INTS3: variants seen among roughly 807,000 people sequenced by gnomAD.
INTS3 encodes the protein SOSS complex subunit A.
INTS3 carries 34 observed loss-of-function variants against 146.3 expected under a neutral mutation model. The observed-to-expected ratio is 0.23, with a 90% confidence interval of 0.18 to 0.31. The LOEUF is 0.31. INTS3 is among the 10% of genes least tolerant of loss of function. The pLI is 1.00. For synonymous variants in INTS3, 475 were observed against 494.9 expected (o/e 0.96, Z 0.53); for missense variants, 757 against 1,304.2 (o/e 0.58, Z 6.46).
chr1:153,740,917 G>A (rs1228968508), intron 2 of INTS3, among the ~76,000 whole-genome samples, 183 bp downstream of exon 2: 1 of 152,052 alleles, frequency 6.6e-6, no homozygotes, highest in Non-Finnish European at 1.5e-5. Flanking sequence ...GGAGCCTTGG[G>A]CATCTTTCAG....
chr1:153,741,162 T>G, intron 2 of INTS3, 123 bp from the exon 3 acceptor site: 1 of 760,278 alleles, frequency 1.3e-6, no homozygotes, highest in Non-Finnish European at 2.3e-6. Flanking sequence ...ATCATCAGAT[T>G]TAAAAGTTGA....
rs1404169532 is a variant in INTS3, at chr1:153,771,312, C to G, written c.2553-484C>G. On this transcript the variant is annotated intron_variant, in intron 25 of 29. Transcript: ENST00000318967. ...CTGCCTTCCTTCCACCCTTTCTGCT[C>G]TCTTGCCTGAGAGACTATAAATGGT... Among the ~76,000 whole-genome samples the G allele has an allele frequency of 3.3e-5, 5 of 152,340 alleles. No individual in the cohort carries two copies. The South Asian group carries it at 8.3e-4, about 25-fold the overall frequency.
At chr1:153,768,804 C>T in intron 21 of INTS3, 89 bp from the exon 22 acceptor site, 4 of 1,023,318 alleles carry the variant, frequency 3.9e-6, no homozygotes, top group Non-Finnish European at 4.6e-6. Context: ...CCCAGTCAAA[C>T]CTTGAGATGT....
intron 1 of INTS3, among the ~76,000 whole-genome samples, chr1:153,735,706 G>A (rs545349801): frequency 6.6e-6 from 1 of 152,064 alleles, no homozygotes; most frequent in Non-Finnish European, 1.5e-5. Flanking sequence ...TCCCCAGTCC[G>A]TGATAATTGT....
intron 8 of INTS3, among the ~76,000 whole-genome samples, chr1:153,753,525 C>T (rs1175593048): frequency 6.6e-6 from 1 of 151,228 alleles, no homozygotes; most frequent in Non-Finnish European, 1.5e-5. Context: ...CCACTGCACT[C>T]CAGCCTGGCG....
chr1:153,754,342 T>C lies in INTS3; in HGVS notation c.860-300T>C, dbSNP rs143219001. 2.3e-4 allele frequency among the ~76,000 whole-genome samples: 35 copies of C among 152,258 alleles called. No individual in the cohort carries two copies. The East Asian group carries it at 3.1e-3, about 13-fold the overall frequency. ...GGAAGAGCAGCCAGGGTTTCCCATA[T>C]TTTTCCCTTAACTTTCCCATCTGTT... On this transcript the variant is annotated intron_variant, in intron 8 of 29. Coordinates refer to ENST00000318967, the MANE Select transcript of INTS3 (RefSeq NM_023015.5).
rs140852935 is a variant in INTS3, at chr1:153,747,061, C to T, written c.423C>T (p.Cys141=). Reference sequence around the variant, plus strand: ...AGTACCTGAAGCTGCAGGATACCTGCCGTACTCAGGTAAGGCCAGAAAGAA... The same window carrying T: ...AGTACCTGAAGCTGCAGGATACCTGTCGTACTCAGGTAAGGCCAGAAAGAA... ...MEKYLKLQDT[C]RTQLVWLVRE... is the part of the protein sequence containing the mutation. Residue 141 remains cysteine (C), a synonymous_variant, in exon 4 of 30, where the codon TGC becomes TGT. Coordinates refer to ENST00000318967, the MANE Select transcript of INTS3 (RefSeq NM_023015.5). 2.3e-3 allele frequency: 3,671 copies of T among 1,601,936 alleles called. 5 individuals are homozygous for T. The highest frequency in any genetic ancestry group is 2.4e-3 in the Non-Finnish European group (2,832 of 1,168,946).
At position 153,740,887 on chromosome 1, in the gene INTS3, A is replaced by T. The variant is rs527861978; in HGVS notation, c.234+153A>T. Among the ~76,000 whole-genome samples the T allele has an allele frequency of 3.3e-5, 5 of 152,306 alleles. No individual in the cohort carries two copies. The East Asian group carries it at 9.6e-4, about 29-fold the overall frequency. Reference sequence around the variant, plus strand: ...TCAAATTTCTCAATTCTTCTCTTTTACTGTGGGAGCCTATCTCTTGGAGCC... The same window carrying T: ...TCAAATTTCTCAATTCTTCTCTTTTTCTGTGGGAGCCTATCTCTTGGAGCC... On this transcript the variant is annotated intron_variant, in intron 2 of 29. Transcript: ENST00000318967.
intron 5 of INTS3, chr1:153,747,923 T>C (rs1671809950): frequency 6.2e-6 from 1 of 160,740 alleles, no homozygotes. Flanking sequence ...CAAGATTGCA[T>C]GTGTTTGTTT....
At chr1:153,742,409 G>C (rs531119173) in intron 3 of INTS3, among the ~76,000 whole-genome samples, 6 of 152,048 alleles carry the variant, frequency 3.9e-5, no homozygotes, top group Non-Finnish European at 5.9e-5. Context: ...TAAAGAAATT[G>C]TTGGCAAAGA....
chr1:153,772,501 G>T lies in INTS3; in HGVS notation c.2821+61G>T. On this transcript the variant is annotated intron_variant, in intron 27 of 29. Coordinates refer to ENST00000318967, the MANE Select transcript of INTS3 (RefSeq NM_023015.5). This position sits in a 1 kb window ranked among gnomAD's most constrained non-coding sequence, Gnocchi z 4.6. The stretch of plus-strand genomic sequence containing the variant: ...TGCTGCCCTGGCCCAGACTATGCCT[G>T]GAGCCAGGCTGGGGGCAGGGGCAGG... 1 of 1,613,632 alleles carries T rather than the reference G, an allele frequency of 6.2e-7. No homozygotes were observed. The highest frequency in any genetic ancestry group is 8.5e-7 in the Non-Finnish European group (1 of 1,179,724).
chr1:153,728,539 C>A lies in INTS3; in HGVS notation c.-96C>A. Reference sequence around the variant, plus strand: ...TTGCTCTCCCCTCCCCAACTTGTTCCTCTTGCCCCCCAGTCCCTGGCAATC... The same window carrying A: ...TTGCTCTCCCCTCCCCAACTTGTTCATCTTGCCCCCCAGTCCCTGGCAATC... On this transcript the variant is annotated 5_prime_UTR_variant, in exon 1 of 30. Transcript: ENST00000318967. The A allele has an allele frequency of 6.9e-7, 1 of 1,446,680 alleles. No individual in the cohort carries two copies. Among genetic ancestry groups the A allele is most frequent in the Non-Finnish European group, 9.2e-7 (1 of 1,084,502 alleles). The allele number at this position is 1,446,680 out of a possible 1,614,324, so 89.6% of individuals were successfully genotyped here.
At chr1:153,733,084 A>T (rs561039192) in intron 1 of INTS3, among the ~76,000 whole-genome samples, 1 of 146,616 alleles carries the variant, frequency 6.8e-6, no homozygotes, top group East Asian at 2.0e-4. Flanking sequence ...CTCATGATCC[A>T]CCTACCTCGG....
intron 3 of INTS3, among the ~76,000 whole-genome samples, chr1:153,744,856 C>G (rs1029619511): frequency 6.6e-6 from 1 of 152,044 alleles, no homozygotes; most frequent in African/African-American, 2.4e-5. Context: ...ACCGCTATTC[C>G]CAGCAGCCTC....
chr1:153,753,465 G>A (rs1159388952), intron 8 of INTS3, among the ~76,000 whole-genome samples: 4 of 151,698 alleles, frequency 2.6e-5, no homozygotes, highest in Admixed American at 2.6e-4. Context: ...GCTGAGGCAA[G>A]AGAATCGCTT....
In INTS3 at chr1:153,770,242, C is replaced by A. The variant is rs868288161; in HGVS notation, c.2434C>A (p.Gln812Lys). The change falls in exon 24 of 30, where the codon CAG (glutamine) becomes AAG (lysine). Residue 812 changes from glutamine (Q) to lysine (K), a missense_variant. Transcript: ENST00000318967. Reference sequence around the variant, plus strand: ...GACCTTTGAGCAGTATTGTGCCTGGCAGCTCTTTCTGGCCCACAATATTCC... The same window carrying A: ...GACCTTTGAGCAGTATTGTGCCTGGAAGCTCTTTCTGGCCCACAATATTCC... ...WETFEQYCAW[Q>K]LFLAHNIPLE... The A allele has an allele frequency of 6.2e-7, 1 of 1,613,552 alleles. No individual in the cohort carries two copies. The highest frequency in any genetic ancestry group is 8.5e-7 in the Non-Finnish European group (1 of 1,179,622).
intron 8 of INTS3, among the ~76,000 whole-genome samples, chr1:153,754,333 T>A (rs1017776911): frequency 6.6e-6 from 1 of 152,062 alleles, no homozygotes; most frequent in Non-Finnish European, 1.5e-5. Flanking sequence ...GCAGCCAGGG[T>A]TTCCCATATT....
rs1036290825 is a variant in INTS3 at position 153,752,311 on chromosome 1, C to T, written c.762C>T (p.Leu254=). The T allele has an allele frequency of 7.4e-6, 12 of 1,613,444 alleles. No individual in the cohort carries two copies. Among genetic ancestry groups the T allele is most frequent in the Non-Finnish European group, 1.0e-5 (12 of 1,179,482 alleles). Residue 254 remains leucine (L), a synonymous_variant, in exon 8 of 30, where the codon CTC becomes CTT. Coordinates refer to ENST00000318967, the MANE Select transcript of INTS3 (RefSeq NM_023015.5). Reference sequence around the variant, plus strand: ...AATGTCTGATGATTGGTCGGGATCTCGTAAGACTACTTCAGAATGTTGCTA... The same window carrying T: ...AATGTCTGATGATTGGTCGGGATCTTGTAAGACTACTTCAGAATGTTGCTA... ...FMECLMIGRD[L]VRLLQNVARI...
At chr1:153,760,740 A>G in intron 12 of INTS3, 87 bp from the exon 13 acceptor site, 2 of 1,134,374 alleles carry the variant, frequency 1.8e-6, no homozygotes, top group Admixed American at 3.4e-5. Flanking sequence ...CCCCTGATCA[A>G]AACCAAAGCA....
Sources: allele counts gnomAD v4.1 joint callset (sites outside exome capture counted in the v4.1 genomes callset), GRCh38; gene constraint gnomAD v4.1.1; non-coding constraint Gnocchi (gnomAD v3.1); transcripts MANE v1.5; gene names NCBI Gene and HGNC (gene_info 2026-07-23, HGNC 2026-07-21).